RIC1: variants seen among roughly 807,000 people sequenced by gnomAD.
RIC1 encodes the protein guanine nucleotide exchange factor subunit RIC1.
A neutral mutation model predicts 169.0 loss-of-function variants in RIC1; 88 were observed. The ratio of observed to expected loss-of-function variants is 0.52; its 90% CI spans 0.44 to 0.62. RIC1 has a LOEUF of 0.62. RIC1 is among the 20% of genes least tolerant of loss of function. RIC1 has a pLI of 0.00. For missense variants in RIC1, 1,877 were observed against 1,725.5 expected, an observed-to-expected ratio of 1.09 and a Z score of -1.56; for synonymous variants, 790 against 601.5, an observed-to-expected ratio of 1.31 and a Z score of -4.59.
intron 4 of RIC1, among the ~76,000 whole-genome samples, chr9:5,715,099 A>C (rs970496886): frequency 1.3e-5 from 2 of 152,248 alleles, no homozygotes; most frequent in African/African-American, 2.4e-5. Flanking sequence ...TTATTTGCTT[A>C]AATGTAATCA....
chr9:5,674,347 T>A (rs1436058172), intron 2 of RIC1, among the ~76,000 whole-genome samples: 1 of 152,180 alleles, frequency 6.6e-6, no homozygotes, highest in Admixed American at 6.5e-5. Flanking sequence ...ATGTTTTAAA[T>A]AGCCCAAGTA....
At chr9:5,638,762 G>A (rs1480392975) in intron 1 of RIC1, among the ~76,000 whole-genome samples, 2 of 152,062 alleles carry the variant, frequency 1.3e-5, no homozygotes, top group East Asian at 3.8e-4. Flanking sequence ...TTTCTAAAAA[G>A]CAACTTTATG....
chr9:5,763,818 T>G lies in RIC1; in HGVS notation c.2791T>G (p.Leu931Val). The change falls in exon 19 of 26, where the codon TTG becomes GTG. Residue 931 changes from leucine to valine, a missense_variant. Physicochemically the swap from Leu to Val is conservative, Grantham distance 32 (BLOSUM62 1). Around this residue, in one of 3 missense-constraint regions of RIC1, gnomAD observed 92 missense variants for 151.5 expected, o/e 0.61. Transcript: ENST00000414202. This position sits in a 1 kb window ranked among gnomAD's most constrained non-coding sequence, Gnocchi z 5.2. ...GNPKDLFEEC[L>V]MAQDLDTAAS... Reference sequence around the variant, plus strand: ...CCCTAAGGACTTGTTTGAGGAGTGTTTGATGGCTCAGGATTTGGACACAGC... The same window carrying G: ...CCCTAAGGACTTGTTTGAGGAGTGTGTGATGGCTCAGGATTTGGACACAGC... The G allele has an allele frequency of 6.2e-7, 1 of 1,614,214 alleles. No individual in the cohort carries two copies. The highest frequency in any genetic ancestry group is 8.5e-7 in the Non-Finnish European group (1 of 1,180,018).
At chr9:5,773,693 T>C (rs571003028) in intron 25 of RIC1, among the ~76,000 whole-genome samples, 42 of 152,312 alleles carry the variant, frequency 2.8e-4, no homozygotes, top group Non-Finnish European at 5.6e-4. Context: ...TAAAATATAA[T>C]TTTTAGTTGT....
intron 3 of RIC1, among the ~76,000 whole-genome samples, chr9:5,699,342 A>C (rs910059392): frequency 1.3e-5 from 2 of 152,144 alleles, no homozygotes; most frequent in African/African-American, 2.4e-5. Context: ...GCGCCCTCCA[A>C]TGGAATGACA....
At chr9:5,656,144 A>G (rs1224332234) in intron 1 of RIC1, among the ~76,000 whole-genome samples, 1 of 152,190 alleles carries the variant, frequency 6.6e-6, no homozygotes, top group Admixed American at 6.5e-5. Flanking sequence ...TGCTGGGATT[A>G]CAGGCATGAG....
At chr9:5,741,113 T>G (rs1825058942) in intron 8 of RIC1, among the ~76,000 whole-genome samples, 1 of 152,194 alleles carries the variant, frequency 6.6e-6, no homozygotes. Context: ...TGGTGTGCTG[T>G]TTTGGATTGG....
chr9:5,661,490 C>T (rs570522490), intron 2 of RIC1, among the ~76,000 whole-genome samples: 1 of 152,024 alleles, frequency 6.6e-6, no homozygotes, highest in African/African-American at 2.4e-5. Flanking sequence ...TCCATTTGTT[C>T]GTGTCATCTG....
At chr9:5,769,549 G>A in intron 22 of RIC1, 1 of 1,012,112 alleles carries the variant, frequency 9.9e-7, no homozygotes, top group Non-Finnish European at 1.4e-6. Context: ...CCATGCTTAT[G>A]TTATTGTGGG....
intron 7 of RIC1, among the ~76,000 whole-genome samples, chr9:5,737,912 G>A (rs112717402): frequency 0.096 from 14,657 of 151,982 alleles, 2,314 homozygotes; most frequent in African/African-American, 0.33. Flanking sequence ...CATCTTAAAG[G>A]TCTTCATTGT....
chr9:5,744,508 G>C (rs1206138459), intron 10 of RIC1, among the ~76,000 whole-genome samples: 1 of 152,024 alleles, frequency 6.6e-6, no homozygotes, highest in South Asian at 2.1e-4. Context: ...TTTGGATTTT[G>C]GAATATTTGC....
intron 21 of RIC1, 115 bp from the exon 22 acceptor site, chr9:5,768,855 A>C (rs1456202784): frequency 1.8e-6 from 2 of 1,133,626 alleles, no homozygotes; most frequent in Non-Finnish European, 2.5e-6. Context: ...GTCAATCAGA[A>C]TTAGATCTTG....
chr9:5,742,934 G>C lies in RIC1; in HGVS notation c.967G>C (p.Val323Leu). Reference sequence around the variant, plus strand: ...GTCTCCTGACAATAGTGTTGTAATAGTGACCTGGGAATACGGAGGCCTTTC... The same window carrying C: ...GTCTCCTGACAATAGTGTTGTAATACTGACCTGGGAATACGGAGGCCTTTC... ...RWSPDNSVVI[V>L]TWEYGGLSLW... Residue 323 changes from valine to leucine, a missense_variant, in exon 9 of 26, where the codon GTG becomes CTG. Val to Leu is a conservative substitution (Grantham distance 32). Coordinates refer to ENST00000414202, the MANE Select transcript of RIC1 (RefSeq NM_020829.4). The C allele has an allele frequency of 1.2e-6, 2 of 1,613,388 alleles. No homozygotes were observed. Among genetic ancestry groups the C allele is most frequent in the Non-Finnish European group, 1.7e-6 (2 of 1,179,560 alleles).
chr9:5,684,611 A>T (rs2130672188), intron 2 of RIC1, among the ~76,000 whole-genome samples: 1 of 152,170 alleles, frequency 6.6e-6, no homozygotes, highest in South Asian at 2.1e-4. Flanking sequence ...AGTCATACTA[A>T]ACTCACTTAT....
At chr9:5,772,119 C>G (rs1258334486) in intron 23 of RIC1, among the ~76,000 whole-genome samples, 2 of 152,154 alleles carry the variant, frequency 1.3e-5, no homozygotes, top group Non-Finnish European at 2.9e-5. Flanking sequence ...TCTTAATTCT[C>G]TTTTTAAGTG....
At position 5,712,024 on chromosome 9, in the gene RIC1, C is replaced by T. The variant is rs537191555; in HGVS notation, c.333-1872C>T. On this transcript the variant is annotated intron_variant, in intron 3 of 25. Transcript: ENST00000414202. ...AAGTCTTTGCTATTGTGAGTAGTGC[C>T]GCAATAAACATACATGCGCATGTGT... is the stretch of plus-strand genomic sequence containing the variant. Among the ~76,000 whole-genome samples the T allele has an allele frequency of 1.1e-4, 17 of 152,118 alleles. No homozygotes were observed. In the East Asian group the frequency reaches 1.7e-3, roughly 16 times the overall value.
intron 3 of RIC1, among the ~76,000 whole-genome samples, chr9:5,692,178 G>T (rs934370921): frequency 6.6e-6 from 1 of 152,048 alleles, no homozygotes; most frequent in Non-Finnish European, 1.5e-5. Context: ...AGAGCAGTTC[G>T]AATAATAGTT....
chr9:5,654,606 C>G (rs934695055), intron 1 of RIC1, among the ~76,000 whole-genome samples: 2 of 152,116 alleles, frequency 1.3e-5, no homozygotes, highest in African/African-American at 4.8e-5. Flanking sequence ...GTAGCGCAGT[C>G]TCAGCTCACT....
chr9:5,742,789 A>G, intron 8 of RIC1, 80 bp from the exon 9 acceptor site: 2 of 1,197,214 alleles, frequency 1.7e-6, no homozygotes, highest in Non-Finnish European at 2.3e-6. Flanking sequence ...GAAAATACAG[A>G]TTGTATTTGA....
Sources: allele counts gnomAD v4.1 joint callset (sites outside exome capture counted in the v4.1 genomes callset), GRCh38; gene constraint gnomAD v4.1.1; regional missense constraint gnomAD v4.1.1; non-coding constraint Gnocchi (gnomAD v3.1); transcripts MANE v1.5; gene names NCBI Gene and HGNC (gene_info 2026-07-23, HGNC 2026-07-21).